The following KAT6B variants were observed in gnomAD, a reference collection of about 807,000 sequenced individuals.
The protein encoded by KAT6B is lysine acetyltransferase 6B.
KAT6B carries 10 observed loss-of-function variants against 187.5 expected under a neutral mutation model. That is an observed-to-expected ratio of 0.05 (90% confidence interval 0.03 to 0.09). The LOEUF (loss-of-function observed/expected upper bound fraction) is 0.09. KAT6B is among the 10% of genes least tolerant of loss of function. KAT6B has a pLI of 1.00. For synonymous variants in KAT6B, 861 were observed against 926.8 expected, an observed-to-expected ratio of 0.93 and a Z score of 1.29; for missense variants, 1,952 against 2,558.9, an observed-to-expected ratio of 0.76 and a Z score of 5.12.
rs771834072 is a variant in KAT6B, at chr10:75,022,120, GGAAGAGGAT to G, written c.3270_3278del (p.Asp1090_Glu1092del). On this transcript the variant is annotated inframe_deletion, in exon 16 of 18. Coordinates refer to ENST00000287239, the MANE Select transcript of KAT6B (RefSeq NM_012330.4). ...AGGAGGAAGAAGAGGAGGAAGAAGA[GGAAGAGGAT>G]GAAGAGGAGGAAGAAGAGGAAGAAG... The G allele has an allele frequency of 1.8e-5, 29 of 1,607,640 alleles. No individual in the cohort carries two copies. The highest frequency in any genetic ancestry group is 1.2e-4 in the Admixed American group (7 of 59,800).
chr10:74,886,789 A>T (rs1845308967), intron 3 of KAT6B, among the ~76,000 whole-genome samples: 1 of 152,060 alleles, frequency 6.6e-6, no homozygotes. Context: ...CCCATCCATA[A>T]CCCAGTGTAT....
rs183542672 is a variant in KAT6B, at chr10:74,873,607, C to T, written c.621+30129C>T. On this transcript the variant is annotated intron_variant, in intron 3 of 17. Coordinates refer to ENST00000287239, the MANE Select transcript of KAT6B (RefSeq NM_012330.4). ...ATGGAGGCATAGACTGGGGTTTTGA[C>T]AGTGGGGATGGAGAGATGAGGACAG... Among the ~76,000 whole-genome samples, 58 of 152,120 alleles carry T rather than the reference C, an allele frequency of 3.8e-4. 1 individual carries two copies. In the Middle Eastern group the frequency reaches 0.02, roughly 54 times the overall value.
intron 3 of KAT6B, among the ~76,000 whole-genome samples, chr10:74,890,637 A>G (rs2132634243): frequency 6.6e-6 from 1 of 152,342 alleles, no homozygotes; most frequent in Admixed American, 6.5e-5. Flanking sequence ...AAAGGGAAGC[A>G]GTAGGAAGTA....
At chr10:74,978,353 G>A (rs901294840) in intron 9 of KAT6B, among the ~76,000 whole-genome samples, 2 of 152,208 alleles carry the variant, frequency 1.3e-5, no homozygotes, top group Non-Finnish European at 2.9e-5. Flanking sequence ...TGGAAATGGA[G>A]CAGGTCAAAA....
chr10:74,999,305 T>C (rs1843664301), intron 13 of KAT6B, among the ~76,000 whole-genome samples: 1 of 152,220 alleles, frequency 6.6e-6, no homozygotes, highest in Non-Finnish European at 1.5e-5. Context: ...ACTGTGCGTT[T>C]GGATGTCTAC....
intron 3 of KAT6B, among the ~76,000 whole-genome samples, chr10:74,926,910 C>T (rs1056416047): frequency 2.0e-5 from 3 of 152,138 alleles, no homozygotes; most frequent in South Asian, 2.1e-4. Context: ...CCTTCATTTT[C>T]GGATGTTTTT....
At chr10:74,922,393 A>C (rs1011095174) in intron 3 of KAT6B, among the ~76,000 whole-genome samples, 1 of 152,122 alleles carries the variant, frequency 6.6e-6, no homozygotes, top group Non-Finnish European at 1.5e-5. Context: ...CTTCATCCCA[A>C]CCAATCCTCT....
At chr10:74,830,067 G>A (rs1268655533) in intron 1 of KAT6B, among the ~76,000 whole-genome samples, 1 of 151,708 alleles carries the variant, frequency 6.6e-6, no homozygotes, top group African/African-American at 2.4e-5. Flanking sequence ...AAGTAGGGAT[G>A]TGTAAGCTGT....
At chr10:75,000,346 G>A (rs913305282) in intron 13 of KAT6B, among the ~76,000 whole-genome samples, 1 of 151,774 alleles carries the variant, frequency 6.6e-6, no homozygotes, top group Non-Finnish European at 1.5e-5. Flanking sequence ...AAAATCGAGG[G>A]GAAAACAAAA....
At chr10:74,851,630 C>A (rs527409004) in intron 3 of KAT6B, among the ~76,000 whole-genome samples, 70 of 152,242 alleles carry the variant, frequency 4.6e-4, no homozygotes, top group South Asian at 4.4e-3. Flanking sequence ...TGTGTCTGGC[C>A]ACAAAATGAT....
chr10:74,978,449 T>TA (rs1483886832), intron 9 of KAT6B, among the ~76,000 whole-genome samples: 1 of 152,138 alleles, frequency 6.6e-6, no homozygotes, highest in Non-Finnish European at 1.5e-5. Context: ...CCACCTCTTT[T>TA]AAAAAAAGAT....
chr10:74,971,581 A>G (rs766408257), intron 6 of KAT6B, among the ~76,000 whole-genome samples: 13 of 152,100 alleles, frequency 8.5e-5, no homozygotes, highest in Non-Finnish European at 1.6e-4. Flanking sequence ...TTTGTATATC[A>G]TCTTTTCTAA....
intron 13 of KAT6B, among the ~76,000 whole-genome samples, chr10:74,994,061 A>T (rs1843272424): frequency 6.6e-6 from 1 of 152,126 alleles, no homozygotes; most frequent in African/African-American, 2.4e-5. Flanking sequence ...TCCTAGTTTT[A>T]CCATTCACTT....
At chr10:74,905,953 G>A (rs1846731209) in intron 3 of KAT6B, among the ~76,000 whole-genome samples, 1 of 152,076 alleles carries the variant, frequency 6.6e-6, no homozygotes, top group Non-Finnish European at 1.5e-5. Flanking sequence ...TTCGGCTGAG[G>A]TGTATATTTT....
chr10:74,832,055 A>G (rs1840904161), intron 1 of KAT6B, among the ~76,000 whole-genome samples: 1 of 152,256 alleles, frequency 6.6e-6, no homozygotes, highest in South Asian at 2.1e-4. Flanking sequence ...CTATTGTGAA[A>G]CTGGATAAAA....
intron 3 of KAT6B, among the ~76,000 whole-genome samples, chr10:74,928,871 T>G (rs1848672627): frequency 6.6e-6 from 1 of 152,148 alleles, no homozygotes; most frequent in South Asian, 2.1e-4. Context: ...TACAAGATGG[T>G]GAGTTGAGGT....
At chr10:74,922,918 A>C (rs1848241824) in intron 3 of KAT6B, among the ~76,000 whole-genome samples, 2 of 152,226 alleles carry the variant, frequency 1.3e-5, no homozygotes, top group Admixed American at 1.3e-4. Context: ...CAGGTGATAC[A>C]CAGATGAAGC....
At chr10:74,872,585 C>G (rs1243320595) in intron 3 of KAT6B, among the ~76,000 whole-genome samples, 1 of 152,056 alleles carries the variant, frequency 6.6e-6, no homozygotes, top group Non-Finnish European at 1.5e-5. Context: ...ACTATGTTAC[C>G]CAGGCTGATT....
chr10:75,006,498 T>G (rs1331782234), intron 13 of KAT6B, among the ~76,000 whole-genome samples: 3 of 152,190 alleles, frequency 2.0e-5, no homozygotes, highest in African/African-American at 7.2e-5. Context: ...TCACCCAGGC[T>G]GTAGTGCAGT....
Sources: gnomAD v4.1 joint callset for allele counts (sites outside exome capture counted in the v4.1 genomes callset) on GRCh38, gnomAD v4.1.1 for gene constraint, MANE v1.5 for transcripts, NCBI Gene and HGNC (gene_info 2026-07-23, HGNC 2026-07-21) for gene names.